ZNF385D: variants seen among roughly 807,000 people sequenced by gnomAD.
The protein encoded by ZNF385D is zinc finger protein 659.
ZNF385D carries 15 observed loss-of-function variants against 35.8 expected under a neutral mutation model. The ratio of observed to expected loss-of-function variants is 0.42; its 90% CI spans 0.28 to 0.64. ZNF385D has a LOEUF of 0.64. Among genes scored for constraint, ZNF385D ranks in the 30% least tolerant of loss-of-function variants. The probability of loss-of-function intolerance (pLI) is 0.23; values close to 1 mark genes in which losing one functional copy is unlikely to be tolerated. For missense variants in ZNF385D, 474 were observed against 494.6 expected, an observed-to-expected ratio of 0.96 and a Z score of 0.39; for synonymous variants, 212 against 186.8, an observed-to-expected ratio of 1.13 and a Z score of -1.10.
chr3:22,194,378 A>C (rs1030590045), intron 2 of ZNF385D, among the ~76,000 whole-genome samples: 2 of 151,768 alleles, frequency 1.3e-5, no homozygotes, highest in African/African-American at 4.8e-5. Flanking sequence ...TCAATCTGAC[A>C]GGTATTTTTG....
intron 3 of ZNF385D, among the ~76,000 whole-genome samples, chr3:21,790,953 G>A (rs1324658124): frequency 6.6e-6 from 1 of 152,050 alleles, no homozygotes; most frequent in Admixed American, 6.6e-5. Flanking sequence ...ACAACAAGGG[G>A]TAAGGAAACA....
chr3:21,971,856 G>A (rs952463937), intron 3 of ZNF385D, among the ~76,000 whole-genome samples: 1 of 151,734 alleles, frequency 6.6e-6, no homozygotes, highest in East Asian at 1.9e-4. Flanking sequence ...CAAAAACTAT[G>A]AGACAAAGAA....
At chr3:22,084,446 G>C (rs1376970091) in intron 3 of ZNF385D, among the ~76,000 whole-genome samples, 1 of 152,136 alleles carries the variant, frequency 6.6e-6, no homozygotes, top group East Asian at 1.9e-4. Context: ...TGATTAAACA[G>C]ACTTTAAACC....
At chr3:22,272,826 A>G (rs567523425) in intron 2 of ZNF385D, among the ~76,000 whole-genome samples, 14 of 152,172 alleles carry the variant, frequency 9.2e-5, no homozygotes, top group Non-Finnish European at 1.6e-4. Context: ...TTTAAAATAC[A>G]TATTATAGAC....
chr3:22,008,913 T>G (rs551741451), intron 3 of ZNF385D, among the ~76,000 whole-genome samples: 55 of 152,242 alleles, frequency 3.6e-4, no homozygotes, highest in Admixed American at 1.6e-3. Flanking sequence ...GAGAGGCATG[T>G]CTAACATAGG....
At chr3:22,155,827 A>G (rs543126075) in intron 3 of ZNF385D, among the ~76,000 whole-genome samples, 1 of 152,132 alleles carries the variant, frequency 6.6e-6, no homozygotes, top group Admixed American at 6.6e-5. Flanking sequence ...ATAAGGATAG[A>G]AGAGTTTGTT....
chr3:21,731,512 C>T (rs753827238), intron 1 of ZNF385D, among the ~76,000 whole-genome samples: 1 of 152,064 alleles, frequency 6.6e-6, no homozygotes, highest in African/African-American at 2.4e-5. Context: ...TCATAACTAC[C>T]CAGAGTTTAT....
chr3:21,968,627 C>T (rs1170954575), intron 3 of ZNF385D, among the ~76,000 whole-genome samples: 1 of 152,152 alleles, frequency 6.6e-6, no homozygotes, highest in Non-Finnish European at 1.5e-5. Flanking sequence ...CAGAAAGGAA[C>T]CCACTGTCTT....
chr3:22,006,776 A>C (rs1377278140), intron 3 of ZNF385D, among the ~76,000 whole-genome samples: 1 of 152,010 alleles, frequency 6.6e-6, no homozygotes. Context: ...GAAATATATA[A>C]ATGAGCTTAT....
chr3:22,350,682 CT>C (rs202040547), intron 2 of ZNF385D, among the ~76,000 whole-genome samples: 1 of 151,786 alleles, frequency 6.6e-6, no homozygotes, highest in Non-Finnish European at 1.5e-5. Flanking sequence ...TAATGTATTT[CT>C]TTTTTTTGTT....
intron 3 of ZNF385D, among the ~76,000 whole-genome samples, chr3:21,903,650 T>C (rs1405900782): frequency 6.6e-6 from 1 of 152,222 alleles, no homozygotes; most frequent in Non-Finnish European, 1.5e-5. Context: ...TGCATTTTAT[T>C]TTACAGAAAT....
At chr3:22,350,816 C>T (rs1695882164) in intron 2 of ZNF385D, among the ~76,000 whole-genome samples, 1 of 152,018 alleles carries the variant, frequency 6.6e-6, no homozygotes, top group African/African-American at 2.4e-5. Flanking sequence ...GAATTCATCA[C>T]ATTTTAAAGA....
At chr3:22,113,782 A>T (rs913208793) in intron 3 of ZNF385D, among the ~76,000 whole-genome samples, 2 of 152,074 alleles carry the variant, frequency 1.3e-5, no homozygotes, top group Admixed American at 6.6e-5. Context: ...CAGGAGATAA[A>T]GTCTCTTCTG....
chr3:21,970,391 G>C (rs922854577), intron 3 of ZNF385D, among the ~76,000 whole-genome samples: 1 of 151,034 alleles, frequency 6.6e-6, no homozygotes, highest in Admixed American at 6.6e-5. Context: ...TAATCAAGCA[G>C]AAAATGCAGT....
chr3:21,735,800 C>T (rs563798274), intron 1 of ZNF385D, among the ~76,000 whole-genome samples: 24 of 152,286 alleles, frequency 1.6e-4, no homozygotes, highest in African/African-American at 5.3e-4. Context: ...TGATTGGTTG[C>T]CTTGTCCTCC....
intron 1 of ZNF385D, among the ~76,000 whole-genome samples, chr3:21,730,308 C>T (rs2068937149): frequency 6.6e-6 from 1 of 152,214 alleles, no homozygotes; most frequent in African/African-American, 2.4e-5. Context: ...TGAAACAGTT[C>T]CCCAAAGGGG....
intron 3 of ZNF385D, among the ~76,000 whole-genome samples, chr3:22,133,021 T>C (rs988333628): frequency 5.9e-5 from 9 of 152,158 alleles, no homozygotes; most frequent in Non-Finnish European, 7.4e-5. Flanking sequence ...AAAATTTCTA[T>C]AGTTTCCCCA....
At chr3:21,945,140 A>ATATG in intron 3 of ZNF385D, among the ~76,000 whole-genome samples, 1 of 140,986 alleles carries the variant, frequency 7.1e-6, no homozygotes, top group Non-Finnish European at 1.5e-5. Flanking sequence ...ATATATATGT[A>ATATG]TATGCATATA....
intron 3 of ZNF385D, among the ~76,000 whole-genome samples, chr3:21,757,134 T>TTTTGTTTTTG (rs779144148): frequency 0.077 from 9,863 of 128,094 alleles, 433 homozygotes; most frequent in South Asian, 0.14. Flanking sequence ...TTTTTTTTTT[T>TTTTGTTTTTG]TTTTTGTTTT....
Sources: gnomAD v4.1 joint callset for allele counts (sites outside exome capture counted in the v4.1 genomes callset) on GRCh38, gnomAD v4.1.1 for gene constraint, MANE v1.5 for transcripts, NCBI Gene and HGNC (gene_info 2026-07-23, HGNC 2026-07-21) for gene names.